The following COL4A1 variants were observed in gnomAD, a reference collection of about 807,000 sequenced individuals.
The protein encoded by COL4A1 is collagen type IV alpha 1 chain.
A neutral mutation model predicts 216.6 loss-of-function variants in COL4A1; 40 were observed. That is an observed-to-expected ratio of 0.18 (90% CI 0.14 to 0.24). The LOEUF (loss-of-function observed/expected upper bound fraction) is 0.24. COL4A1 is among the 10% of genes least tolerant of loss of function. The pLI is 1.00. For missense variants in COL4A1, 1,628 were observed against 2,196.8 expected, an observed-to-expected ratio of 0.74 and a Z score of 5.18; for synonymous variants, 839 against 810.7, an observed-to-expected ratio of 1.03 and a Z score of -0.59.
intron 2 of COL4A1, among the ~76,000 whole-genome samples, chr13:110,219,888 G>A (rs866280060): frequency 3.7e-5 from 3 of 80,992 alleles, no homozygotes; most frequent in Non-Finnish European, 8.1e-5. Flanking sequence ...GTATATATAT[G>A]TGTGTATATA....
chr13:110,156,176 G>A (rs531130982), intron 49 of COL4A1, among the ~76,000 whole-genome samples: 1 of 152,316 alleles, frequency 6.6e-6, no homozygotes, highest in African/African-American at 2.4e-5. Flanking sequence ...TCTCCTGGAG[G>A]GGCTGGGGTT....
intron 42 of COL4A1, 111 bp from the exon 43 acceptor site, chr13:110,169,873 ACCAACAG>A: frequency 6.9e-7 from 1 of 1,443,630 alleles, no homozygotes; most frequent in Non-Finnish European, 9.5e-7. Flanking sequence ...ACAACACTGG[ACCAACAG>A]TGACAACCCT....
chr13:110,194,498 A>G (rs1334371259), intron 22 of COL4A1, among the ~76,000 whole-genome samples: 6 of 152,170 alleles, frequency 3.9e-5, no homozygotes, highest in Non-Finnish European at 8.8e-5. Flanking sequence ...CTGTGCGGGT[A>G]GTAAGGCAAA....
intron 21 of COL4A1, among the ~76,000 whole-genome samples, chr13:110,196,956 T>TA (rs1418060200): frequency 6.6e-6 from 1 of 152,206 alleles, no homozygotes; most frequent in Non-Finnish European, 1.5e-5. Flanking sequence ...GAGAATTACT[T>TA]AATTTACGTG....
chr13:110,155,301 G>C lies in COL4A1; in HGVS notation c.4737C>G (p.Ile1579Met). 6.2e-7 allele frequency: 1 copy of C among 1,613,644 alleles called. No homozygotes were observed. The highest frequency in any genetic ancestry group is 2.2e-5 in the East Asian group (1 of 44,878). ...CACTTACCATCACAAAAGAGTAGCC[G>C]ATCCACAGCGAGGACCACCCGCTGG... Reference protein sequence around the residue: ...PCPSGWSSLWIGYSFVMHTSA... With the variant: ...PCPSGWSSLWMGYSFVMHTSA... Residue 1579 changes from isoleucine (I) to methionine (M), a missense_variant, in exon 50 of 52, where the codon ATC (isoleucine) becomes ATG (methionine). Ile to Met is a conservative substitution (Grantham distance 10). Around this residue, in one of 8 missense-constraint regions of COL4A1, gnomAD observed 254 missense variants for 300.1 expected, o/e 0.85. Transcript: ENST00000375820.
rs1879771902 is a variant in COL4A1 at position 110,211,091 on chromosome 13, A to G, written c.468+556T>C. Reference sequence around the variant, plus strand: ...TGTTCTGAATCACAGGAGCGAGCACAGGGACTCTCACCTTCATCCAGGTAA... The same window carrying G: ...TGTTCTGAATCACAGGAGCGAGCACGGGGACTCTCACCTTCATCCAGGTAA... On this transcript the variant is annotated intron_variant, in intron 8 of 51. Coordinates refer to ENST00000375820, the MANE Select transcript of COL4A1 (RefSeq NM_001845.6). The surrounding 1 kb of genome is among the most constrained non-coding windows in gnomAD (Gnocchi z 4.3). Among the ~76,000 whole-genome samples, 1 of 152,188 alleles carries G rather than the reference A, an allele frequency of 6.6e-6. No individual in the cohort carries two copies. The highest frequency in any genetic ancestry group is 2.4e-5 in the African/African-American group (1 of 41,444).
chr13:110,174,837 G>T (rs1362794040), intron 37 of COL4A1, 88 bp from the exon 38 acceptor site: 2 of 1,266,678 alleles, frequency 1.6e-6, no homozygotes, highest in Non-Finnish European at 2.3e-6. Context: ...ATACATTTTG[G>T]TGCAATGAAT....
At chr13:110,167,026 A>C (rs1877375735) in intron 44 of COL4A1, 132 bp downstream of exon 44, 2 of 799,354 alleles carry the variant, frequency 2.5e-6, no homozygotes, top group East Asian at 2.4e-5. Flanking sequence ...TGCCATTTTT[A>C]ATTTGAAGAG....
At chr13:110,246,695 G>A (rs1594085511) in intron 1 of COL4A1, among the ~76,000 whole-genome samples, 3 of 152,256 alleles carry the variant, frequency 2.0e-5, no homozygotes, top group South Asian at 2.1e-4. Context: ...CATTCTCCCG[G>A]TGTCTGGATG....
In COL4A1 at chr13:110,192,915, T is replaced by TA. The variant is rs757295194; in HGVS notation, c.1382-3dup. ...TGAGGCAACTCTCTCCTTTTTGACC[T>TA]AAAAAAGAAAACACAAAGGTGCTTA... is the stretch of plus-strand genomic sequence containing the variant. On this transcript the variant is annotated splice_polypyrimidine_tract_variant and splice_region_variant and intron_variant, in intron 22 of 51. Coordinates refer to ENST00000375820, the MANE Select transcript of COL4A1 (RefSeq NM_001845.6). The TA allele has an allele frequency of 6.8e-6, 11 of 1,613,970 alleles. No individual in the cohort carries two copies. The highest frequency in any genetic ancestry group is 9.3e-6 in the Non-Finnish European group (11 of 1,179,870).
At chr13:110,253,638 G>T (rs1209322789) in intron 1 of COL4A1, among the ~76,000 whole-genome samples, 1 of 143,130 alleles carries the variant, frequency 7.0e-6, no homozygotes, top group East Asian at 2.1e-4. Flanking sequence ...ATATATGTAT[G>T]TATGTATTAC....
intron 2 of COL4A1, among the ~76,000 whole-genome samples, chr13:110,228,090 T>C (rs1048464888): frequency 6.6e-6 from 1 of 152,144 alleles, no homozygotes; most frequent in African/African-American, 2.4e-5. Context: ...ACACGCGCCT[T>C]ACAGGACTCA....
At position 110,207,531 on chromosome 13, in the gene COL4A1, A is replaced by G. The variant is rs1287692080; in HGVS notation, c.694-42T>C. ...GTAAAATTAATTAGGCATGAAAACA[A>G]TTATGCAGACATGAAAAATTGCAGA... On this transcript the variant is annotated intron_variant, in intron 12 of 51. Transcript: ENST00000375820. This position sits in a 1 kb window ranked among gnomAD's most constrained non-coding sequence, Gnocchi z 4.4. 1.3e-6 allele frequency: 2 copies of G among 1,518,602 alleles called. No homozygotes were observed. Among genetic ancestry groups the G allele is most frequent in the Non-Finnish European group, 9.1e-7 (1 of 1,093,398 alleles). The allele number at this position is 1,518,602 out of a possible 1,614,324, so 94.1% of individuals were successfully genotyped here. A position where few individuals can be genotyped will look rare whatever the true frequency, so the allele number is the denominator to read the frequency against.
chr13:110,284,162 C>T (rs1246328507), intron 1 of COL4A1, among the ~76,000 whole-genome samples: 2 of 152,196 alleles, frequency 1.3e-5, no homozygotes, highest in Non-Finnish European at 2.9e-5. Flanking sequence ...TGTGCTCCCC[C>T]AGGTAGAATC....
At chr13:110,271,757 A>G (rs1883252839) in intron 1 of COL4A1, among the ~76,000 whole-genome samples, 1 of 152,208 alleles carries the variant, frequency 6.6e-6, no homozygotes, top group Non-Finnish European at 1.5e-5. Context: ...CAAAAAGGTC[A>G]GTAGATCAGA....
chr13:110,224,697 A>C (rs543696413), intron 2 of COL4A1, among the ~76,000 whole-genome samples: 78 of 152,294 alleles, frequency 5.1e-4, no homozygotes, highest in African/African-American at 1.7e-3. Context: ...GGTTCGAAAG[A>C]CATGTTCTAC....
chr13:110,190,091 G>T (rs1330441930), intron 24 of COL4A1, among the ~76,000 whole-genome samples: 1 of 152,036 alleles, frequency 6.6e-6, no homozygotes, highest in African/African-American at 2.4e-5. Flanking sequence ...TGATCTTAGG[G>T]TGAGAAAATA....
intron 17 of COL4A1, 94 bp from the exon 18 acceptor site, chr13:110,203,701 G>C: frequency 7.7e-7 from 1 of 1,303,010 alleles, no homozygotes; most frequent in Non-Finnish European, 1.1e-6. Context: ...AAAATAGAGT[G>C]TGCCTACAGT....
intron 2 of COL4A1, among the ~76,000 whole-genome samples, chr13:110,227,664 T>C (rs914791857): frequency 3.3e-5 from 5 of 152,168 alleles, no homozygotes; most frequent in African/African-American, 1.2e-4. Flanking sequence ...TTCCCAAATA[T>C]ACAATTGCCA....
Sources: gnomAD v4.1 joint callset for allele counts (sites outside exome capture counted in the v4.1 genomes callset) on GRCh38, gnomAD v4.1.1 for gene constraint, gnomAD v4.1.1 regional missense constraint, Gnocchi (gnomAD v3.1) non-coding constraint, MANE v1.5 for transcripts, NCBI Gene and HGNC (gene_info 2026-07-23, HGNC 2026-07-21) for gene names.